Variants in TTLL5 observed in about 807,000 individuals in gnomAD.
TTLL5 encodes tubulin tyrosine ligase like 5.
TTLL5 carries 132 observed loss-of-function variants against 168.4 expected under a neutral mutation model. The observed-to-expected ratio is 0.78, with a 90% CI of 0.68 to 0.91. TTLL5 has a LOEUF of 0.91. Ranked by LOEUF, TTLL5 falls within the 40% of genes least tolerant of loss-of-function variation. The pLI is 0.00. For missense variants in TTLL5, 1,545 were observed against 1,581.5 expected (o/e 0.98, Z 0.39); for synonymous variants, 546 against 558.6 (o/e 0.98, Z 0.32).
At chr14:75,745,436 A>G in intron 16 of TTLL5, 54 bp from the exon 17 acceptor site, 1 of 1,560,376 alleles carries the variant, frequency 6.4e-7, no homozygotes, top group Admixed American at 1.7e-5. Context: ...TCCTATAGCC[A>G]CATGGACTCC....
intron 28 of TTLL5, among the ~76,000 whole-genome samples, chr14:75,829,115 C>T (rs567072766): frequency 4.2e-4 from 64 of 152,036 alleles, no homozygotes; most frequent in Non-Finnish European, 6.6e-4. Context: ...GTGAGAGTTC[C>T]GAGGAGAAAT....
rs544680538 is a variant in TTLL5, at chr14:75,908,195, T to A, written c.3823+5971T>A. 2.0e-5 allele frequency among the ~76,000 whole-genome samples: 3 copies of A among 152,346 alleles called. No individual in the cohort carries two copies. The South Asian group carries it at 6.2e-4, about 32-fold the overall frequency. ...CTGAGGCGATGAGACAGCATGTGTGTATGGACAAAGAGGACAGAGTGGATC... is the reference window on the plus strand; with the variant it reads ...CTGAGGCGATGAGACAGCATGTGTGAATGGACAAAGAGGACAGAGTGGATC... On this transcript the variant is annotated intron_variant, in intron 31 of 31. Coordinates refer to ENST00000298832, the MANE Select transcript of TTLL5 (RefSeq NM_015072.5).
chr14:75,932,510 A>G lies in TTLL5; in HGVS notation c.3824-21914A>G, dbSNP rs142486822. On this transcript the variant is annotated intron_variant, in intron 31 of 31. Transcript: ENST00000298832. ...TCATCCCAACACAGCCTGTATGGGG[A>G]AATAAAAAGTAAAATAGAATGTTAA... Among the ~76,000 whole-genome samples the G allele has an allele frequency of 5.8e-3, 888 of 152,278 alleles. 13 individuals carry two copies. Among genetic ancestry groups the G allele is most frequent in the South Asian group, 0.027 (130 of 4,822 alleles).
At chr14:75,681,906 C>T (rs1884645085) in intron 4 of TTLL5, among the ~76,000 whole-genome samples, 2 of 152,058 alleles carry the variant, frequency 1.3e-5, no homozygotes, top group South Asian at 4.1e-4. Context: ...GTCTGACACC[C>T]AATTAAGGTT....
chr14:75,837,994 A>G (rs1432318554), intron 28 of TTLL5, among the ~76,000 whole-genome samples: 1 of 152,200 alleles, frequency 6.6e-6, no homozygotes, highest in African/African-American at 2.4e-5. Flanking sequence ...ATGAGTGTAC[A>G]AATATCTTTT....
intron 17 of TTLL5, among the ~76,000 whole-genome samples, chr14:75,749,181 T>G (rs1445112316): frequency 6.6e-6 from 1 of 152,112 alleles, no homozygotes; most frequent in Non-Finnish European, 1.5e-5. Context: ...GAATTTGAAT[T>G]TTTGCATTTC....
chr14:75,895,722 G>C (rs2032625780), intron 30 of TTLL5, among the ~76,000 whole-genome samples: 1 of 152,018 alleles, frequency 6.6e-6, no homozygotes, highest in Admixed American at 6.6e-5. Flanking sequence ...AGACAAGAAG[G>C]ATTAAAAATA....
At chr14:75,695,260 C>T (rs1011415501) in intron 6 of TTLL5, among the ~76,000 whole-genome samples, 32 of 152,186 alleles carry the variant, frequency 2.1e-4, no homozygotes, top group African/African-American at 7.5e-4. Context: ...TCTCCCGTCG[C>T]GCTCCCAGGC....
At chr14:75,906,332 G>C (rs1293982780) in intron 31 of TTLL5, among the ~76,000 whole-genome samples, 1 of 152,132 alleles carries the variant, frequency 6.6e-6, no homozygotes, top group African/African-American at 2.4e-5. Flanking sequence ...TTGCTCCCCA[G>C]ATTTTCTTTC....
intron 6 of TTLL5, among the ~76,000 whole-genome samples, chr14:75,694,731 C>T (rs1387219340): frequency 1.3e-5 from 2 of 152,112 alleles, no homozygotes; most frequent in East Asian, 3.9e-4. Context: ...TTTATTAGTT[C>T]CCCAAATTAA....
intron 27 of TTLL5, among the ~76,000 whole-genome samples, chr14:75,814,924 G>A (rs562031919): frequency 6.6e-6 from 1 of 152,302 alleles, no homozygotes; most frequent in South Asian, 2.1e-4. Flanking sequence ...AGGGGTTACT[G>A]TATTGAACAG....
intron 31 of TTLL5, among the ~76,000 whole-genome samples, chr14:75,943,217 G>T (rs957431296): frequency 1.2e-4 from 19 of 152,138 alleles, no homozygotes; most frequent in Admixed American, 1.2e-3. Context: ...TCACCAGGCA[G>T]GAGTTAGGAT....
At chr14:75,876,958 C>G (rs764179046) in intron 29 of TTLL5, among the ~76,000 whole-genome samples, 1 of 152,134 alleles carries the variant, frequency 6.6e-6, no homozygotes, top group Non-Finnish European at 1.5e-5. Flanking sequence ...GAAAATGTAC[C>G]TTCTCAATAG....
At chr14:75,837,386 C>T (rs1895927747) in intron 28 of TTLL5, 4 of 152,158 alleles carry the variant, frequency 2.6e-5, no homozygotes, top group Admixed American at 1.3e-4. Flanking sequence ...CCTTGGAAAT[C>T]ACATATCATC....
intron 27 of TTLL5, among the ~76,000 whole-genome samples, chr14:75,812,209 G>A (rs1374041811): frequency 6.6e-6 from 1 of 152,164 alleles, no homozygotes; most frequent in Non-Finnish European, 1.5e-5. Flanking sequence ...CAGGAGAGTG[G>A]GAGCAGAGGA....
chr14:75,913,079 G>A (rs2033455344), intron 31 of TTLL5, among the ~76,000 whole-genome samples: 1 of 152,194 alleles, frequency 6.6e-6, no homozygotes, highest in Non-Finnish European at 1.5e-5. Flanking sequence ...CAAGGATCCA[G>A]ATACCTGGTC....
At position 75,954,501 on chromosome 14, in the gene TTLL5, G is replaced by A. The variant is rs1595333771; in HGVS notation, c.*55G>A. On this transcript the variant is annotated 3_prime_UTR_variant, in exon 32 of 32. Transcript: ENST00000298832. ...CACCACTCCTGGGTGCATGATTGAGGGTGAAGCATCCACCAGCACTTCAAG... is the reference window on the plus strand; with the variant it reads ...CACCACTCCTGGGTGCATGATTGAGAGTGAAGCATCCACCAGCACTTCAAG... 1 of 1,600,294 alleles carries A rather than the reference G, an allele frequency of 6.2e-7. No individual in the cohort carries two copies. Among genetic ancestry groups the A allele is most frequent in the East Asian group, 2.2e-5 (1 of 44,806 alleles).
chr14:75,729,160 A>G (rs772093072), intron 12 of TTLL5, among the ~76,000 whole-genome samples: 1 of 152,190 alleles, frequency 6.6e-6, no homozygotes, highest in Non-Finnish European at 1.5e-5. Flanking sequence ...GTCCTGGGGA[A>G]ATGTTCCATA....
intron 28 of TTLL5, among the ~76,000 whole-genome samples, chr14:75,825,812 C>T (rs958947471): frequency 2.0e-5 from 3 of 152,048 alleles, no homozygotes; most frequent in African/African-American, 7.2e-5. Flanking sequence ...CTGAGGAAAA[C>T]GATTTCTCCA....
Sources: allele counts gnomAD v4.1 joint callset (sites outside exome capture counted in the v4.1 genomes callset), GRCh38; gene constraint gnomAD v4.1.1; transcripts MANE v1.5; gene names NCBI Gene and HGNC (gene_info 2026-07-23, HGNC 2026-07-21).